CAMK4: variants seen among roughly 807,000 people sequenced by gnomAD.
CAMK4 encodes calcium/calmodulin dependent protein kinase IV, also known as calcium/calmodulin-dependent protein kinase type IV.
In CAMK4, 22 loss-of-function variants were observed where a neutral mutation model predicts 44.9. That is an observed-to-expected ratio of 0.49 (90% CI 0.35 to 0.70). CAMK4 has a LOEUF of 0.70. CAMK4 is among the 30% of genes least tolerant of loss of function. CAMK4 has a pLI of 0.01. For missense variants in CAMK4, 498 were observed against 586.8 expected (o/e 0.85, Z 1.56); for synonymous variants, 218 against 215.4 (o/e 1.01, Z -0.11).
intron 2 of CAMK4, among the ~76,000 whole-genome samples, chr5:111,346,774 G>C (rs1749887955): frequency 6.6e-6 from 1 of 151,718 alleles, no homozygotes; most frequent in Non-Finnish European, 1.5e-5. Context: ...TCTAATATCT[G>C]CCTCCAATTG....
intron 1 of CAMK4, among the ~76,000 whole-genome samples, chr5:111,328,567 T>A (rs1438815015): frequency 1.3e-5 from 2 of 152,128 alleles, no homozygotes; most frequent in African/African-American, 4.8e-5. Context: ...GGTAGCTTGA[T>A]GGGGATGGCA....
chr5:111,235,701 T>G (rs1748681006), intron 1 of CAMK4, among the ~76,000 whole-genome samples: 1 of 152,172 alleles, frequency 6.6e-6, no homozygotes, highest in Non-Finnish European at 1.5e-5. Context: ...ATTGACCTAC[T>G]GAGGAAATGG....
rs537454011 is a variant in CAMK4, at chr5:111,392,319, A to G, written c.387-2391A>G. On this transcript the variant is annotated intron_variant, in intron 4 of 10. Coordinates refer to ENST00000282356, the MANE Select transcript of CAMK4 (RefSeq NM_001744.6). ...GGAGAGAGAGAGAGCACAAAGGGGG[A>G]AGTGCCACACACTTCAACTATAAGA... Among the ~76,000 whole-genome samples, 5 of 152,160 alleles carry G rather than the reference A, an allele frequency of 3.3e-5. No individual in the cohort carries two copies. The East Asian group carries it at 9.6e-4, about 29-fold the overall frequency.
At chr5:111,350,066 A>C (rs1017181160) in intron 2 of CAMK4, among the ~76,000 whole-genome samples, 1 of 152,022 alleles carries the variant, frequency 6.6e-6, no homozygotes, top group Non-Finnish European at 1.5e-5. Flanking sequence ...TGCCAGACAG[A>C]CTGAGTTTAG....
chr5:111,379,274 T>G (rs1007481022), intron 4 of CAMK4, among the ~76,000 whole-genome samples: 2 of 152,180 alleles, frequency 1.3e-5, no homozygotes, highest in African/African-American at 2.4e-5. Context: ...TCTCCTTCTC[T>G]TCTTCCCAAC....
At chr5:111,397,475 T>C (rs1056598450) in intron 5 of CAMK4, among the ~76,000 whole-genome samples, 11 of 152,194 alleles carry the variant, frequency 7.2e-5, no homozygotes, top group African/African-American at 2.7e-4. Flanking sequence ...TGTAATATTA[T>C]ACTCATTGAT....
At chr5:111,481,138 A>C (rs943353481) in intron 9 of CAMK4, among the ~76,000 whole-genome samples, 4 of 152,230 alleles carry the variant, frequency 2.6e-5, no homozygotes, top group African/African-American at 9.6e-5. Context: ...AAAGATTAAC[A>C]ATGGTGTATA....
intron 2 of CAMK4, among the ~76,000 whole-genome samples, chr5:111,367,948 A>G (rs1209824333): frequency 6.6e-6 from 1 of 151,996 alleles, no homozygotes; most frequent in Non-Finnish European, 1.5e-5. Flanking sequence ...TGCTGAATGC[A>G]TTGTGTCTCC....
rs201284909 is a variant in CAMK4 at position 111,484,090 on chromosome 5, T to A, written c.1046T>A (p.Ile349Asn). 3.1e-6 allele frequency: 5 copies of A among 1,613,294 alleles called. No homozygotes were observed. Among genetic ancestry groups the A allele is most frequent in the Non-Finnish European group, 3.4e-6 (4 of 1,179,674 alleles). ...LGSASSSHGS[I>N]QESHKASRDP... The stretch of plus-strand genomic sequence containing the variant: ...AGTGCCAGCAGCAGCCATGGCAGCA[T>A]CCAGGAGAGCCACAAGGCTAGCCGA... The change falls in exon 11 of 11, where the codon ATC becomes AAC. Residue 349 changes from isoleucine (I) to asparagine (N), a missense_variant. Coordinates refer to ENST00000282356, the MANE Select transcript of CAMK4 (RefSeq NM_001744.6). The surrounding 1 kb of genome is among the most constrained non-coding windows in gnomAD (Gnocchi z 5.3).
intron 1 of CAMK4, among the ~76,000 whole-genome samples, chr5:111,338,365 A>G (rs373058920): frequency 2.4e-4 from 36 of 151,244 alleles, no homozygotes; most frequent in East Asian, 2.0e-3. Flanking sequence ...GAGTAACATC[A>G]TATCTCCCTA....
intron 1 of CAMK4, among the ~76,000 whole-genome samples, chr5:111,295,281 A>G (rs1747436147): frequency 6.6e-6 from 1 of 152,222 alleles, no homozygotes; most frequent in African/African-American, 2.4e-5. Flanking sequence ...AAATATCTTT[A>G]AAAGCATGAC....
chr5:111,460,269 T>TC (rs1358243468), intron 7 of CAMK4, among the ~76,000 whole-genome samples: 30 of 135,260 alleles, frequency 2.2e-4, no homozygotes, highest in Admixed American at 4.3e-4. Context: ...TCTTTTCTTT[T>TC]TCTTTTTTTT....
At chr5:111,312,012 G>A (rs1748226510) in intron 1 of CAMK4, among the ~76,000 whole-genome samples, 1 of 152,200 alleles carries the variant, frequency 6.6e-6, no homozygotes, top group Admixed American at 6.5e-5. Context: ...ATATGAGATA[G>A]AGTTTCATCC....
At chr5:111,326,696 T>C (rs1748905488) in intron 1 of CAMK4, among the ~76,000 whole-genome samples, 1 of 149,536 alleles carries the variant, frequency 6.7e-6, no homozygotes, top group South Asian at 2.1e-4. Flanking sequence ...AAAAAAAGAG[T>C]ACAAAGAAAC....
intron 5 of CAMK4, among the ~76,000 whole-genome samples, chr5:111,433,635 G>A (rs776438476): frequency 1.2e-4 from 18 of 152,212 alleles, no homozygotes; most frequent in Non-Finnish European, 1.9e-4. Context: ...TTCTGGAGGA[G>A]CATGTGGGAT....
At chr5:111,224,260 A>G, upstream of CAMK4, 1 of 442,614 alleles carries the variant, frequency 2.3e-6, no homozygotes, top group Non-Finnish European at 3.7e-6. This position sits in a 1 kb window ranked among gnomAD's most constrained non-coding sequence, Gnocchi z 5.7. Flanking sequence ...GTCTCCCTCC[A>G]GCGGGCGGCG....
intron 1 of CAMK4, among the ~76,000 whole-genome samples, chr5:111,286,383 A>C (rs1453273663): frequency 6.6e-6 from 1 of 152,222 alleles, no homozygotes; most frequent in Non-Finnish European, 1.5e-5. Flanking sequence ...ATTTTTGCTT[A>C]TGTGTCCATA....
chr5:111,436,253 T>C (rs1753641675), intron 5 of CAMK4, among the ~76,000 whole-genome samples: 1 of 152,206 alleles, frequency 6.6e-6, no homozygotes. Context: ...TTAATATAGT[T>C]CTATGGCATG....
intron 7 of CAMK4, among the ~76,000 whole-genome samples, chr5:111,467,725 G>A (rs60240990): frequency 0.012 from 1,778 of 152,266 alleles, 30 homozygotes; most frequent in African/African-American, 0.04. Flanking sequence ...TGGATGTGGT[G>A]AAAGGGGAAC....
Sources: gnomAD v4.1 joint callset for allele counts (sites outside exome capture counted in the v4.1 genomes callset) on GRCh38, gnomAD v4.1.1 for gene constraint, Gnocchi (gnomAD v3.1) non-coding constraint, MANE v1.5 for transcripts, NCBI Gene and HGNC (gene_info 2026-07-23, HGNC 2026-07-21) for gene names.